Variants in RBMS3 observed in about 807,000 individuals in gnomAD.
The protein encoded by RBMS3 is RNA binding motif single stranded interacting protein 3.
RBMS3 carries 27 observed loss-of-function variants against 66.8 expected under a neutral mutation model. The ratio of observed to expected loss-of-function variants is 0.40; its 90% confidence interval spans 0.30 to 0.56. The LOEUF is 0.56. RBMS3 is among the 20% of genes least tolerant of loss of function. RBMS3 has a pLI of 0.40. For synonymous variants in RBMS3, 188 were observed against 183.0 expected (o/e 1.03, Z -0.22); for missense variants, 513 against 549.5 (o/e 0.93, Z 0.66).
chr3:29,930,765 A>C (rs1273944486), intron 10 of RBMS3, among the ~76,000 whole-genome samples: 1 of 151,760 alleles, frequency 6.6e-6, no homozygotes, highest in African/African-American at 2.4e-5. Flanking sequence ...ATATAGCATT[A>C]GTCAAACTTT....
chr3:29,774,816 T>C (rs1182477971), intron 6 of RBMS3, among the ~76,000 whole-genome samples: 1 of 152,076 alleles, frequency 6.6e-6, no homozygotes, highest in African/African-American at 2.4e-5. Flanking sequence ...GCCACTCTTC[T>C]CTTTTTTATT....
At chr3:29,821,713 C>G (rs142461033) in intron 6 of RBMS3, among the ~76,000 whole-genome samples, 71 of 152,210 alleles carry the variant, frequency 4.7e-4, no homozygotes, top group African/African-American at 1.6e-3. Context: ...ATCATAGGAA[C>G]TTTTTAATAT....
intron 4 of RBMS3, 116 bp downstream of exon 4, chr3:29,587,321 T>G: frequency 1.3e-5 from 7 of 547,984 alleles, no homozygotes; most frequent in Admixed American, 9.0e-5. Context: ...AAGGAGAGAT[T>G]AAATATTTCT....
intron 3 of RBMS3, among the ~76,000 whole-genome samples, chr3:29,524,433 T>G (rs2044996531): frequency 7.2e-6 from 1 of 138,808 alleles, no homozygotes; most frequent in Non-Finnish European, 1.6e-5. Context: ...TTTTTTTTTT[T>G]TTTTTTTTTT....
At chr3:29,460,535 A>G (rs2042338164) in intron 2 of RBMS3, among the ~76,000 whole-genome samples, 1 of 152,188 alleles carries the variant, frequency 6.6e-6, no homozygotes, top group Admixed American at 6.5e-5. Context: ...TAAGCCCCCA[A>G]GTTCTGATGA....
At chr3:29,876,779 C>T (rs1425202175) in intron 7 of RBMS3, among the ~76,000 whole-genome samples, 3 of 151,756 alleles carry the variant, frequency 2.0e-5, no homozygotes, top group Admixed American at 6.6e-5. Flanking sequence ...GGTAATGCTC[C>T]AGGGCAAGGC....
chr3:29,825,681 T>C (rs2058193983), intron 6 of RBMS3, among the ~76,000 whole-genome samples: 1 of 152,184 alleles, frequency 6.6e-6, no homozygotes, highest in Admixed American at 6.6e-5. Flanking sequence ...ATTAAACCTC[T>C]TTCCTTTATA....
At chr3:29,289,436 T>C (rs1282035762) in intron 1 of RBMS3, among the ~76,000 whole-genome samples, 1 of 151,942 alleles carries the variant, frequency 6.6e-6, no homozygotes, top group Non-Finnish European at 1.5e-5. Context: ...TCTTCACCAC[T>C]TAATCATTGA....
At chr3:29,594,471 A>G (rs1223432285) in intron 4 of RBMS3, among the ~76,000 whole-genome samples, 1 of 152,140 alleles carries the variant, frequency 6.6e-6, no homozygotes, top group Non-Finnish European at 1.5e-5. Flanking sequence ...ATAGTTCATT[A>G]CTCTTGAATG....
At chr3:29,572,853 T>A (rs1167508912) in intron 3 of RBMS3, among the ~76,000 whole-genome samples, 1 of 152,236 alleles carries the variant, frequency 6.6e-6, no homozygotes, top group East Asian at 1.9e-4. Context: ...TTAATTCTTC[T>A]TAAGTGTTTG....
intron 12 of RBMS3, among the ~76,000 whole-genome samples, chr3:29,960,627 G>C (rs1465285888): frequency 6.6e-6 from 1 of 152,174 alleles, no homozygotes. Flanking sequence ...GCAAACTTCT[G>C]CTTGGACATC....
intron 3 of RBMS3, among the ~76,000 whole-genome samples, chr3:29,501,022 A>G (rs961306995): frequency 6.6e-6 from 1 of 152,220 alleles, no homozygotes; most frequent in Non-Finnish European, 1.5e-5. Flanking sequence ...AGCATCTGCT[A>G]TGTTACATAA....
chr3:29,783,749 A>G lies in RBMS3; in HGVS notation c.637+20760A>G, dbSNP rs140994651. On this transcript the variant is annotated intron_variant, in intron 6 of 14. Transcript: ENST00000383767. ...AAATGGTCCACTTAAAAGATACAGA[A>G]TGGCAGAATGGATAAAGATTCACCA... Among the ~76,000 whole-genome samples, 76 of 152,290 alleles carry G rather than the reference A, an allele frequency of 5.0e-4. No individual in the cohort carries two copies. The East Asian group carries it at 6.6e-3, about 13-fold the overall frequency.
chr3:29,842,701 A>C (rs2149506178), intron 6 of RBMS3, among the ~76,000 whole-genome samples: 1 of 152,296 alleles, frequency 6.6e-6, no homozygotes, highest in East Asian at 1.9e-4. Context: ...TGGGAAGATT[A>C]CCCTGATTCT....
rs1191141224 is a variant in RBMS3 at position 29,730,916 on chromosome 3, C to G, written c.400-8804C>G. The stretch of plus-strand genomic sequence containing the variant: ...GAAACCATCACATCAGGGCTGATAA[C>G]TGGTGATACTGAGCTCAAGTTCATG... On this transcript the variant is annotated intron_variant, in intron 4 of 14. Transcript: ENST00000383767. The G allele has an allele frequency of 4.1e-6, 4 of 985,270 alleles. No homozygotes were observed. In the African/African-American group the frequency reaches 7.0e-5, roughly 17 times the overall value. 61.0% of individuals were successfully genotyped at this position (985,270 alleles called of 1,614,324 possible).
intron 3 of RBMS3, among the ~76,000 whole-genome samples, chr3:29,537,872 T>A (rs1447781270): frequency 6.6e-6 from 1 of 151,424 alleles, no homozygotes; most frequent in African/African-American, 2.4e-5. Flanking sequence ...CCCGATACCA[T>A]GACTTTGAAT....
At chr3:29,774,466 T>G (rs2056348098) in intron 6 of RBMS3, among the ~76,000 whole-genome samples, 1 of 152,006 alleles carries the variant, frequency 6.6e-6, no homozygotes, top group South Asian at 2.1e-4. Context: ...CAAAGGGGTT[T>G]TAAAATAAAA....
At chr3:29,976,363 A>G (rs1389231877) in intron 12 of RBMS3, among the ~76,000 whole-genome samples, 1 of 152,036 alleles carries the variant, frequency 6.6e-6, no homozygotes, top group Non-Finnish European at 1.5e-5. Flanking sequence ...CACCTCCTGG[A>G]TGATCATTTC....
At chr3:29,421,209 T>C (rs2040719750) in intron 1 of RBMS3, among the ~76,000 whole-genome samples, 1 of 152,100 alleles carries the variant, frequency 6.6e-6, no homozygotes, top group Admixed American at 6.5e-5. Flanking sequence ...AACAAAAGCA[T>C]CCTCTGAATA....
Sources: allele counts gnomAD v4.1 joint callset (sites outside exome capture counted in the v4.1 genomes callset), GRCh38; gene constraint gnomAD v4.1.1; transcripts MANE v1.5; gene names NCBI Gene and HGNC (gene_info 2026-07-23, HGNC 2026-07-21).